C10orf90: variants seen among roughly 807,000 people sequenced by gnomAD.
C10orf90 encodes the protein (E2-independent) E3 ubiquitin-conjugating enzyme FATS.
In C10orf90, 56 loss-of-function variants were observed where a neutral mutation model predicts 62.5. The observed-to-expected ratio is 0.90, with a 90% CI of 0.72 to 1.12. The LOEUF is 1.12. Among genes scored for constraint, C10orf90 ranks in the 50% most tolerant of loss-of-function variants. The probability of loss-of-function intolerance (pLI) is 0.00; values close to 1 mark genes in which losing one functional copy is unlikely to be tolerated. For synonymous variants in C10orf90, 386 were observed against 340.4 expected, an observed-to-expected ratio of 1.13 and a Z score of -1.47; for missense variants, 970 against 880.4, an observed-to-expected ratio of 1.10 and a Z score of -1.29.
intron 4 of C10orf90, among the ~76,000 whole-genome samples, chr10:126,474,574 G>C (rs1174301865): frequency 6.6e-6 from 1 of 152,042 alleles, no homozygotes; most frequent in Non-Finnish European, 1.5e-5. Context: ...CAAATAAACA[G>C]ATGTAAATGC....
At chr10:126,535,703 C>T (rs947165130) in intron 2 of C10orf90, among the ~76,000 whole-genome samples, 2 of 152,024 alleles carry the variant, frequency 1.3e-5, no homozygotes, top group East Asian at 1.9e-4. Context: ...GAAAAATGGC[C>T]GTTTCTTCCA....
At chr10:126,531,365 G>T (rs879756696) in intron 2 of C10orf90, among the ~76,000 whole-genome samples, 1 of 152,118 alleles carries the variant, frequency 6.6e-6, no homozygotes, top group African/African-American at 2.4e-5. Context: ...GCAATCAGGG[G>T]TGCTGCGAAA....
At chr10:126,616,502 A>G (rs1845544810) in intron 2 of C10orf90, among the ~76,000 whole-genome samples, 1 of 152,118 alleles carries the variant, frequency 6.6e-6, no homozygotes, top group Non-Finnish European at 1.5e-5. Context: ...TTTCAGCAGG[A>G]GGTGGAATGT....
At chr10:126,637,764 C>A (rs1234139224) in intron 2 of C10orf90, among the ~76,000 whole-genome samples, 2 of 152,148 alleles carry the variant, frequency 1.3e-5, no homozygotes, top group African/African-American at 4.8e-5. Flanking sequence ...GGGTGCAGGA[C>A]CCAGGGCCTC....
intron 1 of C10orf90, among the ~76,000 whole-genome samples, chr10:126,650,041 C>T (rs1262660791): frequency 6.6e-6 from 1 of 152,190 alleles, no homozygotes; most frequent in Middle Eastern, 3.4e-3. Flanking sequence ...AGTTCCCGAT[C>T]AAGGTCAGGA....
At position 126,426,059 on chromosome 10, in the gene C10orf90, TC is replaced by T; in HGVS notation, c.2283del (p.Glu764LysfsTer7). 6.2e-7 allele frequency: 1 copy of T among 1,614,182 alleles called. No individual in the cohort carries two copies. Among genetic ancestry groups the T allele is most frequent in the Non-Finnish European group, 8.5e-7 (1 of 1,179,994 alleles). On this transcript the variant is annotated frameshift_variant, in exon 9 of 10. Transcript: ENST00000488181. LOFTEE classifies it high-confidence loss of function. ...RIYDNLPEVK[K>X]KKEEQRKRVI... is the part of the protein sequence containing the mutation. Reference sequence around the variant, plus strand: ...ACCCTTTTCCTTTGTTCTTCTTTTTTCTTTTTAACTTCCGGCAAGTTATCAT... The same window carrying T: ...ACCCTTTTCCTTTGTTCTTCTTTTTTTTTTTAACTTCCGGCAAGTTATCAT...
chr10:126,479,214 A>T (rs967417610), intron 4 of C10orf90, among the ~76,000 whole-genome samples: 10 of 152,230 alleles, frequency 6.6e-5, no homozygotes, highest in South Asian at 4.1e-4. Flanking sequence ...GCTGTGCGTT[A>T]TTCCAATGTG....
intron 2 of C10orf90, among the ~76,000 whole-genome samples, chr10:126,517,359 A>C (rs1863489079): frequency 6.6e-6 from 1 of 152,262 alleles, no homozygotes; most frequent in African/African-American, 2.4e-5. Context: ...CCCTGGTTAA[A>C]GAAACGGGCA....
intron 7 of C10orf90, among the ~76,000 whole-genome samples, chr10:126,442,155 A>G (rs2134027387): frequency 6.6e-6 from 1 of 152,100 alleles, no homozygotes; most frequent in Non-Finnish European, 1.5e-5. Context: ...GCTGCCTTCA[A>G]GAAACTCACC....
chr10:126,668,389 C>A (rs1034861862), intron 1 of C10orf90, among the ~76,000 whole-genome samples: 18 of 152,100 alleles, frequency 1.2e-4, no homozygotes, highest in Non-Finnish European at 2.9e-5. Context: ...AGTCACTGGG[C>A]CAAGTCCAAA....
chr10:126,443,132 C>T (rs1011351370), intron 7 of C10orf90, among the ~76,000 whole-genome samples: 2 of 151,898 alleles, frequency 1.3e-5, no homozygotes, highest in Non-Finnish European at 2.9e-5. Context: ...CAAATCAAAC[C>T]CCAACCCAGC....
intron 1 of C10orf90, among the ~76,000 whole-genome samples, chr10:126,664,965 C>T (rs1305982861): frequency 6.6e-6 from 1 of 152,182 alleles, no homozygotes; most frequent in Non-Finnish European, 1.5e-5. Flanking sequence ...TCCCTCTTGG[C>T]TCTTGGACTT....
chr10:126,550,981 G>A (rs750070198), intron 2 of C10orf90, among the ~76,000 whole-genome samples: 58 of 152,180 alleles, frequency 3.8e-4, no homozygotes, highest in Non-Finnish European at 8.5e-4. Context: ...AGAAGGGAGA[G>A]GGAAGAGAAA....
At chr10:126,536,411 T>C (rs1448092233) in intron 2 of C10orf90, among the ~76,000 whole-genome samples, 1 of 152,228 alleles carries the variant, frequency 6.6e-6, no homozygotes, top group Non-Finnish European at 1.5e-5. Flanking sequence ...TCCTGACTAC[T>C]GCGTACTATC....
At chr10:126,524,134 C>A (rs1021624180) in intron 2 of C10orf90, among the ~76,000 whole-genome samples, 2 of 152,056 alleles carry the variant, frequency 1.3e-5, no homozygotes, top group Non-Finnish European at 2.9e-5. Flanking sequence ...TTTCTTAGCA[C>A]AAACTAGTTC....
At chr10:126,512,362 GTA>G (rs200757945) in intron 3 of C10orf90, among the ~76,000 whole-genome samples, 2 of 106,830 alleles carry the variant, frequency 1.9e-5, no homozygotes, top group African/African-American at 3.6e-5. Flanking sequence ...GTGTGTGTGT[GTA>G]TGTGTGTCTG....
At chr10:126,532,038 G>A (rs369610319) in intron 2 of C10orf90, among the ~76,000 whole-genome samples, 3 of 152,176 alleles carry the variant, frequency 2.0e-5, no homozygotes, top group Admixed American at 1.3e-4. Context: ...GCTGTGTGTA[G>A]CATATAAACT....
Position 126,461,600 on chromosome 10 carries a change from T to A in C10orf90, c.1826-15A>T, listed in dbSNP as rs1187663857. ...TGTGTAATCTCCTAGGAGAGAAGAT[T>A]TAGAATCCCATTTAGAGGGCACCAA... On this transcript the variant is annotated splice_polypyrimidine_tract_variant and intron_variant, in intron 5 of 9. Coordinates refer to ENST00000488181, the MANE Select transcript of C10orf90 (RefSeq NM_001350921.2). The A allele has an allele frequency of 6.2e-7, 1 of 1,608,832 alleles. No homozygotes were observed. Among genetic ancestry groups the A allele is most frequent in the Admixed American group, 1.7e-5 (1 of 58,530 alleles).
chr10:126,599,831 G>T (rs1845161570), intron 2 of C10orf90, among the ~76,000 whole-genome samples: 1 of 152,134 alleles, frequency 6.6e-6, no homozygotes, highest in African/African-American at 2.4e-5. Flanking sequence ...GTAATATCTG[G>T]ATTACTTTTT....
Sources: allele counts gnomAD v4.1 joint callset (sites outside exome capture counted in the v4.1 genomes callset), GRCh38; gene constraint gnomAD v4.1.1; transcripts MANE v1.5; gene names NCBI Gene and HGNC (gene_info 2026-07-23, HGNC 2026-07-21).